AGBL1: variants seen among roughly 807,000 people sequenced by gnomAD.
The protein encoded by AGBL1 is cytosolic carboxypeptidase 4.
AGBL1 carries 130 observed loss-of-function variants against 118.9 expected under a neutral mutation model. The observed-to-expected ratio is 1.09, with a 90% confidence interval of 0.95 to 1.26. AGBL1 has a LOEUF of 1.26. Among genes scored for constraint, AGBL1 ranks in the 50% most tolerant of loss-of-function variants. AGBL1 has a pLI of 0.00. For missense variants in AGBL1, 1,584 were observed against 1,298.1 expected (o/e 1.22, Z -3.38); for synonymous variants, 555 against 478.9 (o/e 1.16, Z -2.08).
intron 22 of AGBL1, among the ~76,000 whole-genome samples, chr15:86,842,988 T>A (rs376607248): frequency 1.3e-5 from 2 of 152,116 alleles, no homozygotes; most frequent in East Asian, 3.9e-4. Context: ...GCACCCAAGG[T>A]GGGGTTTTAG....
intron 17 of AGBL1, among the ~76,000 whole-genome samples, chr15:86,346,804 A>G (rs1181562142): frequency 2.0e-5 from 3 of 152,236 alleles, no homozygotes; most frequent in Non-Finnish European, 4.4e-5. Flanking sequence ...ATCCACAGGA[A>G]GAAGCTTGTG....
chr15:86,107,677 G>A (rs754144434), intron 1 of AGBL1: 12 of 152,184 alleles, frequency 7.9e-5, no homozygotes, highest in Non-Finnish European at 1.8e-4. Context: ...AGTGGGGATG[G>A]GAGGATAAAC....
chr15:86,106,635 CA>C (rs958448405), intron 1 of AGBL1, among the ~76,000 whole-genome samples: 12 of 152,220 alleles, frequency 7.9e-5, no homozygotes, highest in African/African-American at 2.9e-4. Flanking sequence ...CCTTCATCCC[CA>C]GTCCAAAATG....
chr15:86,980,986 A>G (rs2081227075), intron 23 of AGBL1, among the ~76,000 whole-genome samples: 1 of 145,798 alleles, frequency 6.9e-6, no homozygotes, highest in Non-Finnish European at 1.5e-5. Context: ...TCCCAGGTTC[A>G]AGCAATTCTC....
At chr15:86,917,732 T>C (rs141980869), downstream of AGBL1, among the ~76,000 whole-genome samples, 854 of 152,056 alleles carry the variant, frequency 5.6e-3, 8 homozygotes, top group African/African-American at 0.02. This position sits in a 1 kb window ranked among gnomAD's most constrained non-coding sequence, Gnocchi z 4.8. Context: ...CATTAGATGG[T>C]ACCAAAGATT....
intron 22 of AGBL1, among the ~76,000 whole-genome samples, chr15:86,761,460 A>G (rs1356618278): frequency 6.6e-6 from 1 of 152,070 alleles, no homozygotes; most frequent in Non-Finnish European, 1.5e-5. Flanking sequence ...ATGCGGGAAT[A>G]CAAATGTAGG....
At chr15:86,971,163 G>A (rs1471941572) in intron 23 of AGBL1, among the ~76,000 whole-genome samples, 1 of 152,050 alleles carries the variant, frequency 6.6e-6, no homozygotes, top group East Asian at 1.9e-4. Flanking sequence ...CCCAAGATGA[G>A]CATGGCTCAC....
intron 18 of AGBL1, among the ~76,000 whole-genome samples, chr15:86,408,569 CT>C (rs1193250539): frequency 6.6e-6 from 1 of 152,130 alleles, no homozygotes; most frequent in Non-Finnish European, 1.5e-5. Context: ...ATTTAGATTG[CT>C]TTGCTATTTT....
intron 16 of AGBL1, among the ~76,000 whole-genome samples, chr15:86,281,423 A>AG (rs2079352409): frequency 6.6e-6 from 1 of 152,176 alleles, no homozygotes; most frequent in African/African-American, 2.4e-5. Context: ...AGAAAAAAAA[A>AG]GTCTGCTAGG....
intron 7 of AGBL1, among the ~76,000 whole-genome samples, chr15:86,249,027 G>T (rs550149450): frequency 8.7e-4 from 133 of 152,208 alleles, no homozygotes; most frequent in African/African-American, 3.1e-3. Context: ...CACCCCACTG[G>T]AATATGCATT....
intron 22 of AGBL1, among the ~76,000 whole-genome samples, chr15:86,699,557 T>A (rs2086320990): frequency 8.0e-6 from 1 of 125,060 alleles, no homozygotes; most frequent in African/African-American, 3.2e-5. Context: ...TTCATGACCT[T>A]TATGTTTTTT....
intron 22 of AGBL1, among the ~76,000 whole-genome samples, chr15:86,821,190 G>A (rs538621948): frequency 2.6e-4 from 39 of 152,146 alleles, no homozygotes; most frequent in African/African-American, 6.3e-4. Context: ...TTGGGGGGTT[G>A]GGGGAGGGGA....
intron 22 of AGBL1, among the ~76,000 whole-genome samples, chr15:86,879,629 A>C (rs2079862710): frequency 6.6e-6 from 1 of 152,200 alleles, no homozygotes; most frequent in African/African-American, 2.4e-5. Flanking sequence ...AAAACTAATT[A>C]TGTAATATGC....
intron 18 of AGBL1, among the ~76,000 whole-genome samples, chr15:86,516,842 T>C (rs2083127983): frequency 6.6e-6 from 1 of 151,966 alleles, no homozygotes; most frequent in African/African-American, 2.4e-5. Context: ...GTGTTCTTGA[T>C]TGATGCAAGT....
At chr15:86,826,207 G>A (rs1567193575) in intron 22 of AGBL1, among the ~76,000 whole-genome samples, 2 of 152,008 alleles carry the variant, frequency 1.3e-5, no homozygotes, top group South Asian at 2.1e-4. Context: ...CCTATATTAA[G>A]GAGATAGAGA....
intron 21 of AGBL1, among the ~76,000 whole-genome samples, chr15:86,638,463 T>A (rs2085138513): frequency 6.6e-6 from 1 of 152,238 alleles, no homozygotes; most frequent in Admixed American, 6.5e-5. Context: ...TCACTCTATC[T>A]TGTGGGGAAG....
In AGBL1 at chr15:86,119,205, G is replaced by A. The variant is rs1264564901; in HGVS notation, c.52-22799G>A. ...GTAAAGCTAATATAATTCAATTTCA[G>A]TTTACATATAAAAGAGAATTTATCA... On this transcript the variant is annotated intron_variant, in intron 1 of 22. Coordinates refer to ENST00000614907, the MANE Select transcript of AGBL1 (RefSeq NM_001386094.1). Among the ~76,000 whole-genome samples the A allele has an allele frequency of 2.6e-5, 4 of 152,264 alleles. No homozygotes were observed. The South Asian group carries it at 6.2e-4, about 24-fold the overall frequency.
chr15:86,234,573 A>AG (rs1473212380), intron 6 of AGBL1, among the ~76,000 whole-genome samples: 1 of 141,380 alleles, frequency 7.1e-6, no homozygotes, highest in Non-Finnish European at 1.5e-5. Flanking sequence ...AAAAAAAAAA[A>AG]GAGTAAGTCA....
At chr15:86,532,600 G>GA (rs1223939603) in intron 19 of AGBL1, among the ~76,000 whole-genome samples, 2 of 144,792 alleles carry the variant, frequency 1.4e-5, no homozygotes, top group Non-Finnish European at 3.0e-5. Context: ...CACAGAATTG[G>GA]AAAAAACTAC....
Sources: gnomAD v4.1 joint callset for allele counts (sites outside exome capture counted in the v4.1 genomes callset) on GRCh38, gnomAD v4.1.1 for gene constraint, Gnocchi (gnomAD v3.1) non-coding constraint, MANE v1.5 for transcripts, NCBI Gene and HGNC (gene_info 2026-07-23, HGNC 2026-07-21) for gene names.